The following DNAH10 variants were observed in gnomAD, a reference collection of about 807,000 sequenced individuals.
The protein encoded by DNAH10 is axonemal beta dynein heavy chain 10.
In DNAH10, 348 loss-of-function variants were observed where a neutral mutation model predicts 506.6. That is an observed-to-expected ratio of 0.69 (90% CI 0.63 to 0.75). DNAH10 has a LOEUF of 0.75. Among genes scored for constraint, DNAH10 ranks in the 30% least tolerant of loss-of-function variants. The pLI, the probability that DNAH10 is intolerant of heterozygous loss-of-function variation, is 0.00. For synonymous variants in DNAH10, 2,059 were observed against 2,198.6 expected (o/e 0.94, Z 1.78); for missense variants, 5,179 against 5,787.1 (o/e 0.89, Z 3.41).
chr12:123,781,326 G>C (rs765212845), intron 6 of DNAH10, 27 bp downstream of exon 6: 2 of 1,587,220 alleles, frequency 1.3e-6, no homozygotes, highest in Non-Finnish European at 1.7e-6. Context: ...CTCCTTTTTA[G>C]TTAAGAATGA....
At chr12:123,908,821 GT>G (rs1953929241) in intron 57 of DNAH10, among the ~76,000 whole-genome samples, 1 of 152,124 alleles carries the variant, frequency 6.6e-6, no homozygotes, top group Non-Finnish European at 1.5e-5. Context: ...GACCCTGTTT[GT>G]CCATCTAGTA....
At position 123,931,963 on chromosome 12, in the gene DNAH10, T is replaced by A. The variant is rs995933678; in HGVS notation, c.13151T>A (p.Met4384Lys). 72 of 1,613,940 alleles carry A rather than the reference T, an allele frequency of 4.5e-5. No individual in the cohort carries two copies. The highest frequency in any genetic ancestry group is 5.8e-5 in the Non-Finnish European group (68 of 1,179,908). The change falls in exon 76 of 79, where the codon ATG becomes AAG. Residue 4384 changes from methionine (M) to lysine (K), a missense_variant. Met to Lys is a moderately conservative substitution (Grantham distance 95). Coordinates refer to ENST00000673944, the MANE Select transcript of DNAH10 (RefSeq NM_001372106.1). ...LQRALAGEVGMSNELDDVARS... is the reference protein window; with the variant it reads ...LQRALAGEVGKSNELDDVARS... Reference sequence around the variant, plus strand: ...TAGGCCTTGGCTGGAGAAGTTGGAATGAGCAATGAGTTAGATGATGTGGCC... The same window carrying A: ...TAGGCCTTGGCTGGAGAAGTTGGAAAGAGCAATGAGTTAGATGATGTGGCC...
intron 24 of DNAH10, among the ~76,000 whole-genome samples, chr12:123,821,573 T>C (rs1392571913): frequency 1.3e-5 from 2 of 152,110 alleles, no homozygotes; most frequent in Admixed American, 1.3e-4. Context: ...TCTCAAGCGA[T>C]CCTCCTGCCT....
chr12:123,771,781 C>A, intron 3 of DNAH10, 83 bp downstream of exon 3: 1 of 1,124,244 alleles, frequency 8.9e-7, no homozygotes, highest in Non-Finnish European at 1.3e-6. Flanking sequence ...GACATAGCCC[C>A]ATCCAAGGGA....
intron 15 of DNAH10, among the ~76,000 whole-genome samples, chr12:123,800,983 C>T (rs1413548630): frequency 6.6e-6 from 1 of 151,858 alleles, no homozygotes; most frequent in Non-Finnish European, 1.5e-5. Context: ...TGCCACTGCA[C>T]TCCAGCCTAG....
rs1158104906 is a variant in DNAH10, at chr12:123,881,712, C to T, written c.8722C>T (p.Arg2908Cys). The change falls in exon 51 of 79, where the codon CGT (arginine) becomes TGT (cysteine). Residue 2908 changes from arginine to cysteine, a missense_variant. Arg to Cys is a radical substitution (Grantham distance 180). This residue lies in a region of DNAH10 where 4,844 missense variants were observed against 5,430.5 expected (regional missense o/e 0.89). Coordinates refer to ENST00000673944, the MANE Select transcript of DNAH10 (RefSeq NM_001372106.1). ...DALEHLTRVH[R>C]IIRMDRGHAL... is the part of the protein sequence containing the mutation. ...TCTGGAGCATTTAACCCGGGTGCAC[C>T]GTATCATCCGCATGGACCGCGGCCA... is the stretch of plus-strand genomic sequence containing the variant. 2.6e-6 allele frequency: 4 copies of T among 1,549,718 alleles called. No individual in the cohort carries two copies. The highest frequency in any genetic ancestry group is 2.7e-5 in the African/African-American group (2 of 72,866).
intron 6 of DNAH10, among the ~76,000 whole-genome samples, chr12:123,781,584 G>A (rs1464195195): frequency 1.3e-5 from 2 of 151,980 alleles, no homozygotes; most frequent in African/African-American, 2.4e-5. Flanking sequence ...TCCTGCCTCA[G>A]CCCCCCGAGT....
chr12:123,929,628 G>A, intron 71 of DNAH10, 36 bp from the exon 72 acceptor site: 2 of 1,596,844 alleles, frequency 1.3e-6, no homozygotes, highest in East Asian at 2.3e-5. Flanking sequence ...AGCTTGGTGG[G>A]TTTCAGTATA....
chr12:123,907,323 G>A lies in DNAH10; in HGVS notation c.9816-1938G>A, dbSNP rs185028047. On this transcript the variant is annotated intron_variant, in intron 57 of 78. Transcript: ENST00000673944. The surrounding 1 kb of genome is among the most constrained non-coding windows in gnomAD (Gnocchi z 4.4). ...GGTAGAGTACTGGGAGGTGGGGAGT[G>A]GGGTTTATAAGGATTATTTTCCTCT... Among the ~76,000 whole-genome samples the A allele has an allele frequency of 2.0e-5, 3 of 152,194 alleles. No homozygotes were observed. In the East Asian group the frequency reaches 5.8e-4, roughly 29 times the overall value.
chr12:123,829,275 G>GTC (rs1960289724), intron 25 of DNAH10, among the ~76,000 whole-genome samples: 1 of 152,170 alleles, frequency 6.6e-6, no homozygotes. Flanking sequence ...CAGGACATAG[G>GTC]CACAGAAAGT....
chr12:123,779,513 C>T (rs1004219740), intron 5 of DNAH10, among the ~76,000 whole-genome samples: 2 of 152,056 alleles, frequency 1.3e-5, no homozygotes, highest in African/African-American at 2.4e-5. Context: ...CTGTGAGAGG[C>T]GTCTTTATAT....
At position 123,902,260 on chromosome 12, in the gene DNAH10, ACCCACTT is replaced by A. The variant is rs1349200095; in HGVS notation, c.9641-676_9641-670del. Among the ~76,000 whole-genome samples, 1 of 151,608 alleles carries A rather than the reference ACCCACTT, an allele frequency of 6.6e-6. No homozygotes were observed. The highest frequency in any genetic ancestry group is 1.5e-5 in the Non-Finnish European group (1 of 67,928). On this transcript the variant is annotated intron_variant, in intron 56 of 78. Transcript: ENST00000673944. The surrounding 1 kb of genome is among the most constrained non-coding windows in gnomAD (Gnocchi z 4.5). ...ATCTTAACTAATTCCATCTACAAAG[ACCCACTT>A]CCAAATAAGGTCACATCCTGAGGTC...
At chr12:123,781,673 C>T (rs1957657100) in intron 6 of DNAH10, among the ~76,000 whole-genome samples, 1 of 152,156 alleles carries the variant, frequency 6.6e-6, no homozygotes, top group African/African-American at 2.4e-5. Context: ...ACCATGTTGG[C>T]CAGGCTGGTC....
At chr12:123,799,202 T>TCGACG in intron 13 of DNAH10, 44 bp from the exon 14 acceptor site, 1 of 1,562,398 alleles carries the variant, frequency 6.4e-7, no homozygotes, top group South Asian at 1.2e-5. Flanking sequence ...ATGAAAAATG[T>TCGACG]TATTTTCAAG....
Position 123,887,079 on chromosome 12 carries a change from G to A in DNAH10, c.8824-63G>A, listed in dbSNP as rs191134781. 5.5e-4 allele frequency: 830 copies of A among 1,513,208 alleles called. 1 individual carries two copies. The highest frequency in any genetic ancestry group is 9.4e-4 in the Admixed American group (44 of 46,718). The allele number at this position is 1,513,208 out of a possible 1,614,324, so 93.7% of individuals were successfully genotyped here. ...CACTCTCCTCCAGCGTCCCCACCCC[G>A]GAGCCCGCAGGGAAGGGAGGCTGGT... is the stretch of plus-strand genomic sequence containing the variant. On this transcript the variant is annotated intron_variant, in intron 51 of 78. Coordinates refer to ENST00000673944, the MANE Select transcript of DNAH10 (RefSeq NM_001372106.1).
Position 123,857,234 on chromosome 12 carries a change from T to C in DNAH10, c.6617T>C (p.Val2206Ala), listed in dbSNP as rs1951430982. ...GTCCTGGAGGAGAACGGCTACGCGG[T>C]CCTACCCATCCAGGTAAAGCCAGGA... ...EQVLEENGYA[V>A]LPIQVDKVVQ... Residue 2206 changes from valine (V) to alanine (A), a missense_variant, in exon 37 of 79, where the codon GTC becomes GCC. By Grantham distance (64) the Val-to-Ala change is moderately conservative (BLOSUM62 0). Around this residue, in one of 3 missense-constraint regions of DNAH10, gnomAD observed 4,844 missense variants for 5,430.5 expected, o/e 0.89. Transcript: ENST00000673944. 6.4e-7 allele frequency: 1 copy of C among 1,560,982 alleles called. No homozygotes were observed. The highest frequency in any genetic ancestry group is 1.2e-5 in the South Asian group (1 of 83,616).
chr12:123,829,506 C>T (rs1384004907), intron 25 of DNAH10, among the ~76,000 whole-genome samples: 1 of 152,064 alleles, frequency 6.6e-6, no homozygotes, highest in Admixed American at 6.6e-5. Context: ...TAAGTTTCAG[C>T]GTTCAGTGGT....
rs1955025482 is a variant in DNAH10, at chr12:123,928,084, CAG to C, written c.12106-302_12106-301del. On this transcript the variant is annotated intron_variant, in intron 69 of 78. Transcript: ENST00000673944. This position sits in a 1 kb window ranked among gnomAD's most constrained non-coding sequence, Gnocchi z 4.9. ...TCTTGCAGCCCTGCTCAGGAGTCCT[CAG>C]GGGACAGGAGCGACTGTGTGGGAGG... 2.0e-6 allele frequency: 1 copy of C among 506,992 alleles called. No homozygotes were observed. Among genetic ancestry groups the C allele is most frequent in the South Asian group, 2.4e-5 (1 of 41,870 alleles). The allele number at this position is 506,992 out of a possible 1,614,324, so 31.4% of individuals were successfully genotyped here.
rs1957795878 is a variant in DNAH10 at position 123,785,031 on chromosome 12, A to C, written c.1231-715A>C. 6.6e-6 allele frequency among the ~76,000 whole-genome samples: 1 copy of C among 152,218 alleles called. No homozygotes were observed. Among genetic ancestry groups the C allele is most frequent in the African/African-American group, 2.4e-5 (1 of 41,454 alleles). On this transcript the variant is annotated intron_variant, in intron 8 of 78. Transcript: ENST00000673944. The surrounding 1 kb of genome is among the most constrained non-coding windows in gnomAD (Gnocchi z 4.1). ...TTTCTGCATTTTGGCTATTATGAAG[A>C]ATGCTGCTACGAACATTCTTGTACA...
Sources: allele counts gnomAD v4.1 joint callset (sites outside exome capture counted in the v4.1 genomes callset), GRCh38; gene constraint gnomAD v4.1.1; regional missense constraint gnomAD v4.1.1; non-coding constraint Gnocchi (gnomAD v3.1); transcripts MANE v1.5; gene names NCBI Gene and HGNC (gene_info 2026-07-23, HGNC 2026-07-21).